PRKCB: variants seen among roughly 807,000 people sequenced by gnomAD.
PRKCB encodes the protein protein kinase C beta type.
Under a neutral mutation model 81.5 loss-of-function variants are expected in PRKCB, and 13 were observed. That is an observed-to-expected ratio of 0.16 (90% CI 0.10 to 0.25). The LOEUF (loss-of-function observed/expected upper bound fraction) is 0.25, where lower values mean the gene tolerates loss of function less well. Ranked by LOEUF, PRKCB falls within the 10% of genes least tolerant of loss-of-function variation. PRKCB has a pLI of 1.00. For synonymous variants in PRKCB, 335 were observed against 321.4 expected (o/e 1.04, Z -0.45); for missense variants, 509 against 875.7 (o/e 0.58, Z 5.29).
intron 16 of PRKCB, chr16:24,208,099 G>A (rs898410648): frequency 2.0e-5 from 3 of 152,300 alleles, no homozygotes; most frequent in Non-Finnish European, 4.4e-5. Flanking sequence ...GCATACTCCA[G>A]TCAGCGTCTT....
chr16:24,193,444 CAAATAAATAAATAAATAAATAAATAAAT>C (rs56289209), intron 16 of PRKCB, among the ~76,000 whole-genome samples: 7 of 122,166 alleles, frequency 5.7e-5, no homozygotes, highest in Non-Finnish European at 1.2e-4. Flanking sequence ...GACTCCATCT[CAAATAAATAAATAAATAAATAAATAAAT>C]AAATAAATAA....
intron 16 of PRKCB, among the ~76,000 whole-genome samples, chr16:24,202,728 C>T (rs1329551486): frequency 6.6e-6 from 1 of 152,194 alleles, no homozygotes; most frequent in African/African-American, 2.4e-5. Flanking sequence ...CATTATTCCC[C>T]TCTGTCTTGG....
At chr16:23,913,982 G>A (rs1440738532) in intron 2 of PRKCB, among the ~76,000 whole-genome samples, 3 of 152,012 alleles carry the variant, frequency 2.0e-5, no homozygotes, top group Admixed American at 1.3e-4. Flanking sequence ...TCCCCAGTAT[G>A]TGAAAATATC....
intron 2 of PRKCB, among the ~76,000 whole-genome samples, chr16:23,851,162 A>T (rs1287521245): frequency 6.6e-6 from 1 of 152,148 alleles, no homozygotes; most frequent in Non-Finnish European, 1.5e-5. Flanking sequence ...ATCATTGCCC[A>T]AACCAATGTT....
intron 5 of PRKCB, among the ~76,000 whole-genome samples, chr16:24,078,383 C>T (rs937989424): frequency 8.5e-5 from 13 of 152,312 alleles, no homozygotes; most frequent in Non-Finnish European, 1.6e-4. Context: ...CTCGTCTGTC[C>T]TTCTTGTTTT....
At chr16:24,100,853 G>A (rs991122644) in intron 7 of PRKCB, among the ~76,000 whole-genome samples, 1 of 152,186 alleles carries the variant, frequency 6.6e-6, no homozygotes, top group African/African-American at 2.4e-5. Context: ...CAGTTTAGTG[G>A]TAAGTGGGGG....
chr16:23,909,022 G>GTTTGT (rs1395996521), intron 2 of PRKCB, among the ~76,000 whole-genome samples: 2 of 152,328 alleles, frequency 1.3e-5, no homozygotes, highest in South Asian at 2.1e-4. Context: ...GAAGGCAGGG[G>GTTTGT]TTTGTTTTGT....
intron 5 of PRKCB, among the ~76,000 whole-genome samples, chr16:24,041,234 G>A (rs777167709): frequency 3.3e-5 from 5 of 151,438 alleles, no homozygotes; most frequent in Non-Finnish European, 7.4e-5. Context: ...TTGTATTTTT[G>A]GTAGAGATGG....
chr16:23,918,386 ATT>A (rs1963776222), intron 2 of PRKCB, among the ~76,000 whole-genome samples: 1 of 82,324 alleles, frequency 1.2e-5, no homozygotes, highest in African/African-American at 4.9e-5. Flanking sequence ...CCTTTTTATT[ATT>A]ATTATTATTA....
intron 2 of PRKCB, among the ~76,000 whole-genome samples, chr16:23,962,454 T>C (rs1964438912): frequency 6.6e-6 from 1 of 152,218 alleles, no homozygotes; most frequent in Admixed American, 6.5e-5. Context: ...CTTGGTTTGG[T>C]GAACCCCTGG....
intron 5 of PRKCB, among the ~76,000 whole-genome samples, chr16:24,060,297 A>T (rs1252162201): frequency 3.3e-5 from 5 of 152,140 alleles, no homozygotes; most frequent in African/African-American, 1.2e-4. Context: ...CATGGCAAGG[A>T]TGAAACAAGA....
At chr16:24,139,996 A>C (rs1966883991) in intron 9 of PRKCB, among the ~76,000 whole-genome samples, 1 of 152,120 alleles carries the variant, frequency 6.6e-6, no homozygotes, top group South Asian at 2.1e-4. Flanking sequence ...GGCAGAGTCT[A>C]CCCAGTTGCC....
At chr16:24,059,787 A>G (rs1237589086) in intron 5 of PRKCB, among the ~76,000 whole-genome samples, 1 of 152,246 alleles carries the variant, frequency 6.6e-6, no homozygotes, top group Non-Finnish European at 1.5e-5. Flanking sequence ...GATATGGCCA[A>G]CACCTTAGAT....
intron 9 of PRKCB, among the ~76,000 whole-genome samples, chr16:24,124,470 C>A (rs1316614034): frequency 1.3e-5 from 2 of 152,060 alleles, no homozygotes; most frequent in African/African-American, 4.8e-5. Flanking sequence ...GCCATTGAAC[C>A]TTTTTAAGCA....
chr16:23,974,413 G>C (rs1287421875), intron 2 of PRKCB, among the ~76,000 whole-genome samples: 3 of 152,162 alleles, frequency 2.0e-5, no homozygotes, highest in Non-Finnish European at 4.4e-5. Flanking sequence ...TCAGCACCTA[G>C]GACAGAGCCT....
At chr16:24,161,615 G>T (rs1207112121) in intron 10 of PRKCB, among the ~76,000 whole-genome samples, 1 of 152,108 alleles carries the variant, frequency 6.6e-6, no homozygotes, top group Non-Finnish European at 1.5e-5. Context: ...AGATGGTTTA[G>T]GCAAATTGTC....
At chr16:23,908,627 G>A (rs533495131) in intron 2 of PRKCB, among the ~76,000 whole-genome samples, 56 of 152,214 alleles carry the variant, frequency 3.7e-4, no homozygotes, top group Non-Finnish European at 6.6e-4. Flanking sequence ...CGCCTCCCGG[G>A]TTCATGCCAT....
chr16:24,169,773 T>TTTAC (rs1967412087), intron 10 of PRKCB, among the ~76,000 whole-genome samples: 1 of 152,008 alleles, frequency 6.6e-6, no homozygotes, highest in Admixed American at 6.6e-5. Context: ...TATTTTTATT[T>TTTAC]TTATTTATTT....
chr16:23,852,528 G>T (rs923537855), intron 2 of PRKCB, among the ~76,000 whole-genome samples: 5 of 152,058 alleles, frequency 3.3e-5, no homozygotes, highest in African/African-American at 1.2e-4. Flanking sequence ...CTAATATTTT[G>T]TTGAGGATTT....
Sources: allele counts gnomAD v4.1 joint callset (sites outside exome capture counted in the v4.1 genomes callset), GRCh38; gene constraint gnomAD v4.1.1; transcripts MANE v1.5; gene names NCBI Gene and HGNC (gene_info 2026-07-23, HGNC 2026-07-21).